Variants in RICTOR observed in about 807,000 individuals in gnomAD.
RICTOR encodes the protein rapamycin-insensitive companion of mTOR.
Under a neutral mutation model 214.9 loss-of-function variants are expected in RICTOR, and 49 were observed. The ratio of observed to expected loss-of-function variants is 0.23; its 90% CI spans 0.18 to 0.29. The LOEUF (loss-of-function observed/expected upper bound fraction) is 0.29. Among genes scored for constraint, RICTOR ranks in the 10% least tolerant of loss-of-function variants. RICTOR has a pLI of 1.00. For missense variants in RICTOR, 1,625 were observed against 2,047.0 expected (o/e 0.79, Z 3.98); for synonymous variants, 717 against 711.3 (o/e 1.01, Z -0.13).
chr5:39,009,763 T>C (rs1754356201), intron 3 of RICTOR, among the ~76,000 whole-genome samples: 2 of 152,150 alleles, frequency 1.3e-5, no homozygotes, highest in Admixed American at 1.3e-4. Flanking sequence ...ACATATATAT[T>C]GGGAATAGGA....
chr5:39,037,744 T>C (rs1756840651), intron 2 of RICTOR, among the ~76,000 whole-genome samples: 1 of 152,134 alleles, frequency 6.6e-6, no homozygotes, highest in Non-Finnish European at 1.5e-5. Flanking sequence ...TCTCGACACA[T>C]ACACCCTCCC....
chr5:39,069,129 C>T (rs1759118433), intron 2 of RICTOR, among the ~76,000 whole-genome samples: 1 of 152,004 alleles, frequency 6.6e-6, no homozygotes, highest in Non-Finnish European at 1.5e-5. Flanking sequence ...TTAAAAATGC[C>T]CATAAATTTT....
intron 2 of RICTOR, among the ~76,000 whole-genome samples, chr5:39,026,976 CCAGCCTGGGCAA>C (rs1755878030): frequency 1.3e-5 from 2 of 152,004 alleles, no homozygotes; most frequent in Admixed American, 1.3e-4. Context: ...CCATTGCACT[CCAGCCTGGGCAA>C]CAAGAGCAAA....
rs2112774536 is a variant in RICTOR, at chr5:38,942,020, T to C, written c.*284A>G. 3.2e-6 allele frequency: 1 copy of C among 308,130 alleles called. No homozygotes were observed. Among genetic ancestry groups the C allele is most frequent in the Non-Finnish European group, 5.9e-6 (1 of 168,626 alleles). The allele number at this position is 308,130 out of a possible 1,614,324, so 19.1% of individuals were successfully genotyped here. ...AAAATGAAAGAAAATAGAAAACCTA[T>C]GTAGGTATTCAGTGCTTGGCTCTTG... On this transcript the variant is annotated 3_prime_UTR_variant, in exon 38 of 38. Transcript: ENST00000357387.
chr5:38,959,329 G>GAA lies in RICTOR; in HGVS notation c.2052-10_2052-9dup. 2.1e-5 allele frequency: 28 copies of GAA among 1,321,270 alleles called. No homozygotes were observed. Among genetic ancestry groups the GAA allele is most frequent in the African/African-American group, 4.7e-5 (3 of 63,794 alleles). The allele number at this position is 1,321,270 out of a possible 1,614,324, so 81.8% of individuals were successfully genotyped here. ...GAGCAAAGATTAAGGAGACTTAAAAGAAAAAAAAAATAAGAATGGTTAAAA... is the reference window on the plus strand; with the variant it reads ...GAGCAAAGATTAAGGAGACTTAAAAGAAAAAAAAAAAATAAGAATGGTTAAAA... On this transcript the variant is annotated splice_polypyrimidine_tract_variant and intron_variant, in intron 21 of 37. Coordinates refer to ENST00000357387, the MANE Select transcript of RICTOR (RefSeq NM_152756.5).
At chr5:38,955,945 T>C (rs1263067692) in intron 25 of RICTOR, among the ~76,000 whole-genome samples, 1 of 152,036 alleles carries the variant, frequency 6.6e-6, no homozygotes, top group Non-Finnish European at 1.5e-5. Flanking sequence ...ACGTGGTTAC[T>C]GCACAGACAA....
intron 2 of RICTOR, among the ~76,000 whole-genome samples, chr5:39,062,727 C>T (rs1375692209): frequency 6.6e-6 from 1 of 152,056 alleles, no homozygotes; most frequent in African/African-American, 2.4e-5. Context: ...TATGTCTCTT[C>T]ATTCTCTATT....
intron 10 of RICTOR, among the ~76,000 whole-genome samples, chr5:38,973,204 T>C (rs1485944685): frequency 1.3e-5 from 2 of 152,186 alleles, no homozygotes; most frequent in African/African-American, 4.8e-5. Context: ...TGTAAGCATT[T>C]GTCAAAACGC....
intron 17 of RICTOR, 63 bp from the exon 18 acceptor site, chr5:38,962,649 G>T: frequency 1.0e-6 from 1 of 962,648 alleles, no homozygotes; most frequent in Non-Finnish European, 1.6e-6. Flanking sequence ...AGAAAACTAA[G>T]TTCAAATTTG....
At chr5:39,067,306 G>A (rs1258163935) in intron 2 of RICTOR, among the ~76,000 whole-genome samples, 1 of 152,062 alleles carries the variant, frequency 6.6e-6, no homozygotes, top group Admixed American at 6.5e-5. Flanking sequence ...GAGGGTAGGT[G>A]CACACTTTTA....
intron 7 of RICTOR, among the ~76,000 whole-genome samples, chr5:38,990,740 T>TATCAG (rs1183959172): frequency 1.0e-5 from 1 of 99,962 alleles, no homozygotes; most frequent in Non-Finnish European, 2.1e-5. Flanking sequence ...ATATATGATA[T>TATCAG]ATATGAGATA....
rs151044668 is a variant in RICTOR, at chr5:38,975,195, C to T, written c.889+342G>A. On this transcript the variant is annotated intron_variant, in intron 10 of 37. Transcript: ENST00000357387. ...TGACACTACACTGTACTTTAAGTAA[C>T]AAACTTTAGTTACATACACAGCTAA... Among the ~76,000 whole-genome samples, 481 of 152,246 alleles carry T rather than the reference C, an allele frequency of 3.2e-3. 5 individuals are homozygous for T. The highest frequency in any genetic ancestry group is 0.011 in the African/African-American group (464 of 41,560).
intron 15 of RICTOR, 128 bp from the exon 16 acceptor site, chr5:38,965,020 C>A: frequency 3.9e-6 from 2 of 518,500 alleles, no homozygotes; most frequent in Non-Finnish European, 6.8e-6. Flanking sequence ...ATAAAATTAA[C>A]TTATTTTCCC....
intron 2 of RICTOR, among the ~76,000 whole-genome samples, chr5:39,039,821 G>A (rs896605377): frequency 6.6e-6 from 1 of 152,148 alleles, no homozygotes; most frequent in South Asian, 2.1e-4. Flanking sequence ...GAAACAACTG[G>A]TGCTGGAGAG....
rs765156845 is a variant in RICTOR at position 38,959,965 on chromosome 5, T to C, written c.1865A>G (p.Tyr622Cys). Reference protein sequence around the residue: ...LLESEEDGQGYLEDLVKDIVQ... With the variant: ...LLESEEDGQGCLEDLVKDIVQ... ...AATATCCTTTACTAGATCTTCTAAG[T>C]AGCCTTGCCCATCCTAAAAGTAAAT... The change falls in exon 21 of 38, where the codon TAC (tyrosine) becomes TGC (cysteine). Residue 622 changes from tyrosine (Y) to cysteine (C), a missense_variant. This residue lies in a region of RICTOR where 1,214 missense variants were observed against 1,470.5 expected (regional missense o/e 0.83). Transcript: ENST00000357387. The C allele has an allele frequency of 1.4e-5, 22 of 1,607,106 alleles. No individual in the cohort carries two copies. Among genetic ancestry groups the C allele is most frequent in the South Asian group, 9.9e-5 (9 of 90,938 alleles).
Position 38,959,993 on chromosome 5 carries a change from A to G in RICTOR, c.1852-15T>C. On this transcript the variant is annotated splice_polypyrimidine_tract_variant and intron_variant, in intron 20 of 37. Coordinates refer to ENST00000357387, the MANE Select transcript of RICTOR (RefSeq NM_152756.5). ...CCTTGCCCATCCTAAAAGTAAATAC[A>G]TTGTGATATTGTGAGAAAAGCATTC... 6.7e-7 allele frequency: 1 copy of G among 1,489,412 alleles called. No individual in the cohort carries two copies. The highest frequency in any genetic ancestry group is 9.4e-7 in the Non-Finnish European group (1 of 1,069,052). 92.3% of individuals were successfully genotyped at this position (1,489,412 alleles called of 1,614,324 possible).
chr5:39,055,812 G>A (rs1758170101), intron 2 of RICTOR, among the ~76,000 whole-genome samples: 1 of 152,170 alleles, frequency 6.6e-6, no homozygotes, highest in Non-Finnish European at 1.5e-5. Context: ...CTAGAACAGG[G>A]AGAGTAGTTA....
intron 2 of RICTOR, among the ~76,000 whole-genome samples, chr5:39,057,863 A>C (rs1193756527): frequency 1.3e-5 from 2 of 152,176 alleles, no homozygotes; most frequent in Non-Finnish European, 2.9e-5. Context: ...CAAGTATTTA[A>C]AATAAATTAA....
At chr5:38,958,899 T>C (rs1219387287) in intron 22 of RICTOR, 68 bp from the exon 23 acceptor site, 38 of 1,129,434 alleles carry the variant, frequency 3.4e-5, no homozygotes, top group Non-Finnish European at 4.3e-5. Context: ...TTGATTTTAT[T>C]TTGGGATAGT....
Sources: allele counts gnomAD v4.1 joint callset (sites outside exome capture counted in the v4.1 genomes callset), GRCh38; gene constraint gnomAD v4.1.1; regional missense constraint gnomAD v4.1.1; transcripts MANE v1.5; gene names NCBI Gene and HGNC (gene_info 2026-07-23, HGNC 2026-07-21).